Variants in LRRC4C observed in about 807,000 individuals in gnomAD.
The protein encoded by LRRC4C is leucine rich repeat containing 4C.
Under a neutral mutation model 33.6 loss-of-function variants are expected in LRRC4C, and 5 were observed. The ratio of observed to expected loss-of-function variants is 0.15; its 90% CI spans 0.08 to 0.31. LRRC4C has a LOEUF of 0.31. LRRC4C is among the 10% of genes least tolerant of loss of function. LRRC4C has a pLI of 1.00. For synonymous variants in LRRC4C, 329 were observed against 302.0 expected, an observed-to-expected ratio of 1.09 and a Z score of -0.93; for missense variants, 560 against 796.7, an observed-to-expected ratio of 0.70 and a Z score of 3.58.
chr11:40,182,884 T>C (rs116145316), intron 5 of LRRC4C, among the ~76,000 whole-genome samples: 168 of 152,328 alleles, frequency 1.1e-3, no homozygotes, highest in African/African-American at 3.8e-3. Context: ...TGTTAACTAA[T>C]TTAGTTTTCA....
At chr11:40,486,382 A>G (rs1036836370) in intron 3 of LRRC4C, among the ~76,000 whole-genome samples, 1 of 152,044 alleles carries the variant, frequency 6.6e-6, no homozygotes, top group Non-Finnish European at 1.5e-5. Flanking sequence ...AAATTAAAAG[A>G]TAACTGTCCT....
chr11:40,431,003 G>C (rs2861920), intron 3 of LRRC4C, among the ~76,000 whole-genome samples: 57,419 of 141,582 alleles, frequency 0.41, 11,924 homozygotes, highest in East Asian at 0.51. Context: ...TGCTAGATGA[G>C]GAGTTAGTGG....
intron 1 of LRRC4C, among the ~76,000 whole-genome samples, chr11:41,194,591 T>C (rs1381882192): frequency 6.6e-6 from 1 of 152,108 alleles, no homozygotes. Context: ...TAGAAGGAAC[T>C]GAGGCCTTGA....
At chr11:40,762,691 T>C (rs1464933529) in intron 2 of LRRC4C, among the ~76,000 whole-genome samples, 5 of 152,250 alleles carry the variant, frequency 3.3e-5, no homozygotes, top group South Asian at 2.1e-4. Context: ...AAGAAGGAGA[T>C]ATGAGAAGTT....
intron 1 of LRRC4C, among the ~76,000 whole-genome samples, chr11:41,050,175 A>T (rs907636210): frequency 6.6e-6 from 1 of 152,168 alleles, no homozygotes; most frequent in Non-Finnish European, 1.5e-5. Context: ...TTGAATTACA[A>T]TTCCATCACT....
At chr11:41,189,457 C>A (rs1945849379) in intron 1 of LRRC4C, among the ~76,000 whole-genome samples, 1 of 152,004 alleles carries the variant, frequency 6.6e-6, no homozygotes, top group East Asian at 1.9e-4. Flanking sequence ...TGGGTAAGGA[C>A]CAGACTATTT....
intron 1 of LRRC4C, among the ~76,000 whole-genome samples, chr11:41,108,326 T>C (rs1299234095): frequency 6.6e-6 from 1 of 152,112 alleles, no homozygotes; most frequent in East Asian, 1.9e-4. Context: ...ATATAATCCA[T>C]TCTCTCATTT....
chr11:40,936,331 C>A (rs1304510594), intron 1 of LRRC4C, among the ~76,000 whole-genome samples: 1 of 145,872 alleles, frequency 6.9e-6, no homozygotes. Flanking sequence ...TAGTATCTAA[C>A]ACTTGTTTTT....
intron 2 of LRRC4C, among the ~76,000 whole-genome samples, chr11:40,664,325 G>A (rs7939199): frequency 0.047 from 7,181 of 152,088 alleles, 577 homozygotes; most frequent in African/African-American, 0.16. Flanking sequence ...CAGGTGGATC[G>A]CCTGAGGTCA....
intron 1 of LRRC4C, among the ~76,000 whole-genome samples, chr11:41,245,665 G>A (rs1273868011): frequency 6.6e-6 from 1 of 152,218 alleles, no homozygotes; most frequent in East Asian, 1.9e-4. Flanking sequence ...TTCTTCCATT[G>A]CCCACCACAT....
intron 3 of LRRC4C, among the ~76,000 whole-genome samples, chr11:40,441,933 C>T (rs11035847): frequency 0.36 from 55,115 of 151,810 alleles, 10,658 homozygotes; most frequent in East Asian, 0.53. Flanking sequence ...GAGGCCGAGG[C>T]GGGTGGATCA....
At chr11:40,553,121 A>T (rs1295166658) in intron 3 of LRRC4C, among the ~76,000 whole-genome samples, 1 of 151,986 alleles carries the variant, frequency 6.6e-6, no homozygotes. Context: ...AAATACAAAA[A>T]ATTAGCCCGG....
intron 2 of LRRC4C, among the ~76,000 whole-genome samples, chr11:40,872,755 AC>A (rs1954712684): frequency 6.6e-6 from 1 of 152,118 alleles, no homozygotes; most frequent in Non-Finnish European, 1.5e-5. Context: ...GTCAATATGG[AC>A]AAGTAAAAGG....
rs140675619 is a variant in LRRC4C, at chr11:40,763,610, T to C, written c.-406-115332A>G. 5.9e-5 allele frequency among the ~76,000 whole-genome samples: 9 copies of C among 152,274 alleles called. No individual in the cohort carries two copies. The East Asian group carries it at 1.7e-3, about 29-fold the overall frequency. ...TCAACACCACCCCTTCCCCACACTG[T>C]AGCAGTGTCTGTGTGGCACAGAGAA... On this transcript the variant is annotated intron_variant, in intron 2 of 6. Transcript: ENST00000528697.
chr11:40,544,988 T>C (rs1223885332), intron 3 of LRRC4C, among the ~76,000 whole-genome samples: 5 of 152,054 alleles, frequency 3.3e-5, no homozygotes, highest in African/African-American at 1.2e-4. Context: ...TATTCTGTGT[T>C]CAGCAGTATT....
intron 1 of LRRC4C, among the ~76,000 whole-genome samples, chr11:41,179,593 CT>C (rs1448844665): frequency 6.6e-6 from 1 of 152,208 alleles, no homozygotes; most frequent in Non-Finnish European, 1.5e-5. Flanking sequence ...TCACCAAAAT[CT>C]GACAGACTTA....
At chr11:40,898,366 AAAAAAAG>A (rs71060988) in intron 2 of LRRC4C, among the ~76,000 whole-genome samples, 1 of 117,374 alleles carries the variant, frequency 8.5e-6, no homozygotes, top group Non-Finnish European at 1.8e-5. Context: ...AAAAAAAAAA[AAAAAAAG>A]AAAAAAGAAA....
chr11:41,443,726 C>G (rs1038272668), intron 1 of LRRC4C, among the ~76,000 whole-genome samples: 35 of 151,748 alleles, frequency 2.3e-4, no homozygotes, highest in African/African-American at 8.0e-4. Context: ...TGTGATTGTC[C>G]TGCCTCAGCC....
At chr11:41,236,073 A>G (rs1948008239) in intron 1 of LRRC4C, among the ~76,000 whole-genome samples, 1 of 152,070 alleles carries the variant, frequency 6.6e-6, no homozygotes, top group Non-Finnish European at 1.5e-5. Flanking sequence ...GCTTCTGGGG[A>G]AGCACTTAAA....
Sources: gnomAD v4.1 joint callset for allele counts (sites outside exome capture counted in the v4.1 genomes callset) on GRCh38, gnomAD v4.1.1 for gene constraint, MANE v1.5 for transcripts, NCBI Gene and HGNC (gene_info 2026-07-23, HGNC 2026-07-21) for gene names.